TNRC6A: variants seen among roughly 807,000 people sequenced by gnomAD.
TNRC6A encodes the protein trinucleotide repeat containing adaptor 6A.
Under a neutral mutation model 221.2 loss-of-function variants are expected in TNRC6A, and 44 were observed. The ratio of observed to expected loss-of-function variants is 0.20; its 90% confidence interval spans 0.16 to 0.26. The LOEUF (loss-of-function observed/expected upper bound fraction) is 0.26, where lower values mean the gene tolerates loss of function less well. Among genes scored for constraint, TNRC6A ranks in the 10% least tolerant of loss-of-function variants. The probability of loss-of-function intolerance (pLI) is 1.00; values close to 1 mark genes in which losing one functional copy is unlikely to be tolerated. For synonymous variants in TNRC6A, 847 were observed against 838.5 expected (o/e 1.01, Z -0.18); for missense variants, 2,199 against 2,404.4 (o/e 0.91, Z 1.79).
At chr16:24,756,524 TG>T (rs1230976434) in intron 3 of TNRC6A, among the ~76,000 whole-genome samples, 1 of 152,232 alleles carries the variant, frequency 6.6e-6, no homozygotes, top group African/African-American at 2.4e-5. Flanking sequence ...GGTGTCTCCA[TG>T]GGGCCATTCT....
In TNRC6A at chr16:24,789,602, A is replaced by G. The variant is rs1396577805; in HGVS notation, c.960A>G (p.Ile320Met). 1 of 1,614,034 alleles carries G rather than the reference A, an allele frequency of 6.2e-7. No homozygotes were observed. Among genetic ancestry groups the G allele is most frequent in the African/African-American group, 1.3e-5 (1 of 74,956 alleles). The change falls in exon 6 of 25, where the codon ATA becomes ATG. Residue 320 changes from isoleucine to methionine, a missense_variant. Coordinates refer to ENST00000395799, the MANE Select transcript of TNRC6A (RefSeq NM_014494.4). The part of the protein sequence containing the change: ...TGPWGFSHGA[I>M]ISTCQVSVDA... ...CATGGGGTTTTTCCCATGGAGCCAT[A>G]ATAAGCACATGTCAGGTCTCTGTGG...
chr16:24,791,835 G>C lies in TNRC6A; in HGVS notation c.3175+18G>C. On this transcript the variant is annotated intron_variant, in intron 6 of 24. Coordinates refer to ENST00000395799, the MANE Select transcript of TNRC6A (RefSeq NM_014494.4). ...TGGCTCTGGTAAGTTTCTATTTTAT[G>C]AAATCAAGCCTTGTTTTAACTTACT... The C allele has an allele frequency of 3.3e-6, 5 of 1,496,444 alleles. No individual in the cohort carries two copies. Among genetic ancestry groups the C allele is most frequent in the Non-Finnish European group, 4.4e-6 (5 of 1,127,314 alleles). 92.7% of individuals were successfully genotyped at this position (1,496,444 alleles called of 1,614,324 possible).
intron 4 of TNRC6A, among the ~76,000 whole-genome samples, chr16:24,763,728 C>A (rs1267748724): frequency 6.6e-6 from 1 of 152,124 alleles, no homozygotes; most frequent in East Asian, 1.9e-4. Flanking sequence ...AACAAAACAA[C>A]CCCCAGGTTC....
At chr16:24,700,737 C>A (rs2055956394) in intron 2 of TNRC6A, among the ~76,000 whole-genome samples, 1 of 152,168 alleles carries the variant, frequency 6.6e-6, no homozygotes, top group Non-Finnish European at 1.5e-5. Context: ...AGATGCTGTC[C>A]TTAGGCAATA....
At chr16:24,816,785 C>A in intron 19 of TNRC6A, 31 bp from the exon 20 acceptor site, 1 of 1,596,982 alleles carries the variant, frequency 6.3e-7, no homozygotes, top group Non-Finnish European at 8.5e-7. Flanking sequence ...GATGATTAAG[C>A]TTTGAACTAA....
chr16:24,665,321 T>C lies in TNRC6A; in HGVS notation n.402+24312T>C, dbSNP rs183284341. Among the ~76,000 whole-genome samples the C allele has an allele frequency of 4.6e-5, 7 of 152,306 alleles. No individual in the cohort carries two copies. The East Asian group carries it at 1.4e-3, about 29-fold the overall frequency. On this transcript the variant is annotated intron_variant and non_coding_transcript_variant, in intron 2 of 2. Coordinates refer to the TNRC6A transcript ENST00000566108. ...AACTCCTGACCTCAAGCAGTCTTCC[T>C]GCCTTTGTCTCCTAAAGCGCTGGGA...
chr16:24,705,790 T>G (rs1236092774), intron 2 of TNRC6A, among the ~76,000 whole-genome samples: 2 of 152,222 alleles, frequency 1.3e-5, no homozygotes, highest in African/African-American at 2.4e-5. Context: ...ACTAGAAGCA[T>G]TTTCCATTAA....
intron 2 of TNRC6A, among the ~76,000 whole-genome samples, chr16:24,742,286 G>T (rs1156722708): frequency 6.6e-6 from 1 of 152,180 alleles, no homozygotes; most frequent in African/African-American, 2.4e-5. Context: ...ATTGCTTAAG[G>T]TTACACACGT....
chr16:24,820,463 C>T lies in TNRC6A; in HGVS notation c.5302+103C>T, dbSNP rs138709450. On this transcript the variant is annotated intron_variant, in intron 22 of 24. Transcript: ENST00000395799. ...AGACCTGAACGGTAAACTATTGCCT[C>T]ACCTCCATCAGGGGGAATGAGAACT... is the stretch of plus-strand genomic sequence containing the variant. 2.4e-4 allele frequency: 245 copies of T among 1,009,240 alleles called. 1 individual carries two copies. In the East Asian group the frequency reaches 5.5e-3, roughly 23 times the overall value. 62.5% of individuals were successfully genotyped at this position (1,009,240 alleles called of 1,614,324 possible).
At chr16:24,676,340 A>G (rs1350841356) in intron 2 of TNRC6A, among the ~76,000 whole-genome samples, 1 of 152,100 alleles carries the variant, frequency 6.6e-6, no homozygotes, top group Non-Finnish European at 1.5e-5. Context: ...TCTGTTGCCC[A>G]GGCTGGAGTG....
In TNRC6A at chr16:24,804,770, C is replaced by G. The variant is rs2058396420; in HGVS notation, c.3903C>G (p.Pro1301=). The G allele has an allele frequency of 6.2e-7, 1 of 1,608,402 alleles. No individual in the cohort carries two copies. The highest frequency in any genetic ancestry group is 1.1e-5 in the South Asian group (1 of 89,548). Reference sequence around the variant, plus strand: ...TGTCCAGTCAAAGCATGAAGCTTCCCCCTTCAAATAGTGCACTACCTAACC... The same window carrying G: ...TGTCCAGTCAAAGCATGAAGCTTCCGCCTTCAAATAGTGCACTACCTAACC... The part of the protein sequence containing the change: ...QFMSSQSMKL[P]PSNSALPNQA... Residue 1301 remains proline (P), a synonymous_variant, in exon 13 of 25, where the codon CCC becomes CCG. Transcript: ENST00000395799.
In TNRC6A at chr16:24,790,011, A is replaced by G. The variant is rs751229062; in HGVS notation, c.1369A>G (p.Thr457Ala). 3 of 1,614,110 alleles carry G rather than the reference A, an allele frequency of 1.9e-6. No individual in the cohort carries two copies. The highest frequency in any genetic ancestry group is 1.1e-5 in the South Asian group (1 of 91,086). ...TGAAATGACTGGACCAAATAACACT[A>G]CTAACTTTATGACCTCTAGTTTACC... ...TTEMTGPNNT[T>A]NFMTSSLPNS... The change falls in exon 6 of 25, where the codon ACT becomes GCT. Residue 457 changes from threonine to alanine, a missense_variant. By Grantham distance (58) the Thr-to-Ala change is moderately conservative (BLOSUM62 0). Coordinates refer to ENST00000395799, the MANE Select transcript of TNRC6A (RefSeq NM_014494.4).
intron 1 of TNRC6A, 107 bp downstream of exon 1, chr16:24,729,953 G>A: frequency 9.6e-7 from 1 of 1,043,846 alleles, no homozygotes; most frequent in Non-Finnish European, 1.2e-6. Flanking sequence ...GGGCGTCCCC[G>A]AGACTTCGGG....
At chr16:24,653,406 T>C (rs1471599053) in intron 2 of TNRC6A, among the ~76,000 whole-genome samples, 1 of 151,828 alleles carries the variant, frequency 6.6e-6, no homozygotes, top group Non-Finnish European at 1.5e-5. Context: ...AAGCATTAAG[T>C]GGAAAAAAGT....
intron 2 of TNRC6A, 94 bp from the exon 3 acceptor site, chr16:24,750,632 A>G: frequency 7.4e-7 from 1 of 1,346,428 alleles, no homozygotes; most frequent in South Asian, 2.1e-5. Flanking sequence ...CATGTCTTCT[A>G]ATAAGAGTGA....
In TNRC6A at chr16:24,688,245, T is replaced by C. The variant is rs141206341; in HGVS notation, n.402+47236T>C. 2.7e-3 allele frequency among the ~76,000 whole-genome samples: 414 copies of C among 152,202 alleles called. 1 individual carries two copies. Among genetic ancestry groups the C allele is most frequent in the African/African-American group, 9.5e-3 (395 of 41,542 alleles). Reference sequence around the variant, plus strand: ...TGAGCCACCATGCCCAGCCTGGACATGCTTCTTTTCTTAGCTAGTAGGTGA... The same window carrying C: ...TGAGCCACCATGCCCAGCCTGGACACGCTTCTTTTCTTAGCTAGTAGGTGA... On this transcript the variant is annotated intron_variant and non_coding_transcript_variant, in intron 2 of 2. Coordinates refer to the TNRC6A transcript ENST00000566108.
rs986869915 is a variant in TNRC6A at position 24,729,673 on chromosome 16, C to T, written c.-169C>T. 2 of 677,660 alleles carry T rather than the reference C, an allele frequency of 3.0e-6. No individual in the cohort carries two copies. Among genetic ancestry groups the T allele is most frequent in the South Asian group, 4.8e-5 (1 of 20,632 alleles). 42.0% of individuals were successfully genotyped at this position (677,660 alleles called of 1,614,324 possible). On this transcript the variant is annotated 5_prime_UTR_variant, in exon 1 of 25. Coordinates refer to ENST00000395799, the MANE Select transcript of TNRC6A (RefSeq NM_014494.4). Reference sequence around the variant, plus strand: ...TTCACTTCCGGTCTGGGGCCTGCGGCGGCGGCGGTGTCGGCGGCGGCGGCG... The same window carrying T: ...TTCACTTCCGGTCTGGGGCCTGCGGTGGCGGCGGTGTCGGCGGCGGCGGCG...
At chr16:24,679,564 C>A (rs546638642) in intron 2 of TNRC6A, among the ~76,000 whole-genome samples, 1 of 152,026 alleles carries the variant, frequency 6.6e-6, no homozygotes, top group African/African-American at 2.4e-5. Flanking sequence ...GCAACCTCTG[C>A]CTCCTGAGTT....
At chr16:24,722,095 G>A (rs2056419644) in intron 2 of TNRC6A, among the ~76,000 whole-genome samples, 1 of 152,074 alleles carries the variant, frequency 6.6e-6, no homozygotes, top group African/African-American at 2.4e-5. Flanking sequence ...TCGCTACATG[G>A]GCATATTTAT....
Sources: allele counts gnomAD v4.1 joint callset (sites outside exome capture counted in the v4.1 genomes callset), GRCh38; gene constraint gnomAD v4.1.1; transcripts MANE v1.5; gene names NCBI Gene and HGNC (gene_info 2026-07-23, HGNC 2026-07-21).